MAPK14: variants seen among roughly 807,000 people sequenced by gnomAD.
MAPK14 encodes the protein mitogen-activated protein kinase 14.
In MAPK14, 16 loss-of-function variants were observed where a neutral mutation model predicts 49.6. The ratio of observed to expected loss-of-function variants is 0.32; its 90% CI spans 0.22 to 0.49. The LOEUF (loss-of-function observed/expected upper bound fraction) is 0.49, where lower values mean the gene tolerates loss of function less well. MAPK14 is among the 20% of genes least tolerant of loss of function. MAPK14 has a pLI of 0.99. For synonymous variants in MAPK14, 142 were observed against 158.0 expected (o/e 0.90, Z 0.76); for missense variants, 200 against 441.2 (o/e 0.45, Z 4.90).
At chr6:36,102,736 C>G in intron 10 of MAPK14, 87 bp downstream of exon 10, 5 of 1,590,554 alleles carry the variant, frequency 3.1e-6, no homozygotes, top group Non-Finnish European at 4.3e-6. Flanking sequence ...CTCCTTTTGA[C>G]CAAATAAAGT....
At chr6:36,057,837 G>A (rs1204838193) in intron 2 of MAPK14, among the ~76,000 whole-genome samples, 1 of 152,128 alleles carries the variant, frequency 6.6e-6, no homozygotes, top group African/African-American at 2.4e-5. Context: ...TTGTGTTTAA[G>A]TTGGCAGTTT....
At position 36,028,791 on chromosome 6, in the gene MAPK14, CTTTTTTTTTTT is replaced by C. The variant is rs111234964; in HGVS notation, c.116+529_116+539del. Reference sequence around the variant, plus strand: ...ACCAGGAAGGGAGCTCTCTCCGGGCCTTTTTTTTTTTTTTTTTTTTTCAAAACTCTGTCGAA... The same window carrying C: ...ACCAGGAAGGGAGCTCTCTCCGGGCCTTTTTTTTTTCAAAACTCTGTCGAA... On this transcript the variant is annotated intron_variant, in intron 1 of 11. Coordinates refer to ENST00000229794, the MANE Select transcript of MAPK14 (RefSeq NM_139012.3). This position sits in a 1 kb window ranked among gnomAD's most constrained non-coding sequence, Gnocchi z 5.1. 8.0e-5 allele frequency among the ~76,000 whole-genome samples: 8 copies of C among 100,388 alleles called. No individual in the cohort carries two copies. The highest frequency in any genetic ancestry group is 5.8e-4 in the Admixed American group (5 of 8,612). 65.9% of individuals were successfully genotyped at this position (100,388 alleles called of 152,430 possible).
intron 3 of MAPK14, among the ~76,000 whole-genome samples, chr6:36,070,441 T>C (rs891089854): frequency 6.6e-6 from 1 of 152,196 alleles, no homozygotes; most frequent in Non-Finnish European, 1.5e-5. Flanking sequence ...CACAGAGTTA[T>C]TGGGAAGAGT....
intron 8 of MAPK14, among the ~76,000 whole-genome samples, chr6:36,088,427 A>C (rs1469334123): frequency 6.6e-6 from 1 of 152,174 alleles, no homozygotes; most frequent in Non-Finnish European, 1.5e-5. Context: ...AAACCCATTA[A>C]AAAGTTGGCA....
intron 9 of MAPK14, 135 bp downstream of exon 9, chr6:36,096,201 A>C (rs1048317359): frequency 1.6e-6 from 1 of 641,576 alleles, no homozygotes; most frequent in Admixed American, 2.7e-5. Flanking sequence ...TGAGTGAGGT[A>C]TAAGACAGTG....
At chr6:36,073,636 A>G (rs1764398582) in intron 4 of MAPK14, 55 bp from the exon 5 acceptor site, 1 of 1,388,820 alleles carries the variant, frequency 7.2e-7, no homozygotes, top group Admixed American at 1.8e-5. Flanking sequence ...CAAATATGTT[A>G]TATAATATGA....
At chr6:36,051,545 C>T (rs1763397903) in intron 1 of MAPK14, among the ~76,000 whole-genome samples, 1 of 152,220 alleles carries the variant, frequency 6.6e-6, no homozygotes, top group Non-Finnish European at 1.5e-5. Flanking sequence ...CACAGCCTTT[C>T]TGTCTTTCTG....
chr6:36,030,437 C>T (rs1010488687), intron 1 of MAPK14, among the ~76,000 whole-genome samples: 1 of 152,152 alleles, frequency 6.6e-6, no homozygotes, highest in African/African-American at 2.4e-5. Flanking sequence ...CCTGTAATCC[C>T]AGCACTTTGG....
chr6:36,095,423 A>AG (rs1351678770), intron 8 of MAPK14, among the ~76,000 whole-genome samples: 1 of 152,146 alleles, frequency 6.6e-6, no homozygotes, highest in East Asian at 1.9e-4. Flanking sequence ...CCCTTTCCAG[A>AG]GGGTGTGCTC....
In MAPK14 at chr6:36,034,719, T is replaced by C. The variant is rs115294478; in HGVS notation, c.116+6446T>C. On this transcript the variant is annotated intron_variant, in intron 1 of 11. Transcript: ENST00000229794. ...TGTCTTTCACAGTGCTTCCATAAAT[T>C]AAGCACAGGCACAACTCGTTTTATT... Among the ~76,000 whole-genome samples, 1,356 of 152,216 alleles carry C rather than the reference T, an allele frequency of 8.9e-3. 17 individuals carry two copies. The highest frequency in any genetic ancestry group is 0.031 in the African/African-American group (1,302 of 41,532).
intron 9 of MAPK14, chr6:36,097,443 T>C (rs1758064177): frequency 1.3e-5 from 2 of 152,196 alleles, no homozygotes; most frequent in African/African-American, 4.8e-5. Context: ...TTAGAGTGAA[T>C]CAAAGATATC....
intron 8 of MAPK14, chr6:36,092,219 C>T (rs1313469043): frequency 3.6e-6 from 2 of 552,798 alleles, no homozygotes; most frequent in Non-Finnish European, 7.1e-6. Flanking sequence ...ATTACTGTCA[C>T]GATGTGTGTG....
At chr6:36,094,636 A>G (rs1765376722) in intron 8 of MAPK14, among the ~76,000 whole-genome samples, 1 of 152,224 alleles carries the variant, frequency 6.6e-6, no homozygotes, top group Admixed American at 6.5e-5. Flanking sequence ...ATGTATAACC[A>G]TAAGCAAAAA....
At chr6:36,105,641 C>A (rs564449286) in intron 10 of MAPK14, among the ~76,000 whole-genome samples, 1 of 152,270 alleles carries the variant, frequency 6.6e-6, no homozygotes, top group East Asian at 1.9e-4. Context: ...CTTGAATTGA[C>A]ACATGAATAT....
intron 1 of MAPK14, among the ~76,000 whole-genome samples, chr6:36,039,682 T>A (rs1265147529): frequency 2.6e-5 from 4 of 152,006 alleles, no homozygotes; most frequent in South Asian, 2.1e-4. Flanking sequence ...ACAGAGATTT[T>A]AAAAAAAAGA....
the MAPK14 span, among the ~76,000 whole-genome samples, chr6:36,117,937 AAT>A: frequency 5.4e-4 from 82 of 152,368 alleles, no homozygotes; most frequent in African/African-American, 1.9e-3. Context: ...TTTTACAATC[AAT>A]AGTCTTTAGA....
intron 7 of MAPK14, 26 bp from the exon 8 acceptor site, chr6:36,076,511 C>T (rs199788193): frequency 4.5e-6 from 7 of 1,568,454 alleles, no homozygotes; most frequent in Middle Eastern, 1.7e-4. Context: ...ATTGCATATA[C>T]TTTTACTTCT....
intron 8 of MAPK14, among the ~76,000 whole-genome samples, chr6:36,091,504 A>G (rs568348309): frequency 1.0e-4 from 15 of 148,352 alleles, no homozygotes; most frequent in African/African-American, 3.3e-4. Context: ...GAAATAACTG[A>G]TTGTCATGAT....
chr6:36,048,410 C>T (rs1358920032), intron 1 of MAPK14, among the ~76,000 whole-genome samples: 3 of 152,076 alleles, frequency 2.0e-5, no homozygotes, highest in African/African-American at 7.2e-5. Context: ...CTTCTGGGCT[C>T]AAGCAATCCT....
Sources: gnomAD v4.1 joint callset for allele counts (sites outside exome capture counted in the v4.1 genomes callset) on GRCh38, gnomAD v4.1.1 for gene constraint, Gnocchi (gnomAD v3.1) non-coding constraint, MANE v1.5 for transcripts, NCBI Gene and HGNC (gene_info 2026-07-23, HGNC 2026-07-21) for gene names.